Variants in TBL1XR1 observed in about 807,000 individuals in gnomAD.
TBL1XR1 encodes the protein F-box-like/WD repeat-containing protein TBL1XR1.
In TBL1XR1, 5 loss-of-function variants were observed where a neutral mutation model predicts 66.9. The ratio of observed to expected loss-of-function variants is 0.07; its 90% confidence interval spans 0.04 to 0.16. The LOEUF is 0.16. TBL1XR1 is among the 10% of genes least tolerant of loss of function. The pLI is 1.00. For synonymous variants in TBL1XR1, 210 were observed against 206.0 expected, an observed-to-expected ratio of 1.02 and a Z score of -0.17; for missense variants, 238 against 623.2, an observed-to-expected ratio of 0.38 and a Z score of 6.58.
In TBL1XR1 at chr3:177,022,366, T is replaced by G. The variant is rs1712492852; in HGVS notation, c.*3132A>C. ...AGAATTCAATACAATCTAGTATCTA[T>G]TAGGAAATTAAGAGTTATCACTTCT... On this transcript the variant is annotated 3_prime_UTR_variant, in exon 16 of 16. Coordinates refer to ENST00000457928, the MANE Select transcript of TBL1XR1 (RefSeq NM_024665.7). 6.6e-6 allele frequency: 1 copy of G among 152,488 alleles called. No homozygotes were observed. The highest frequency in any genetic ancestry group is 1.5e-5 in the Non-Finnish European group (1 of 67,956). The allele number at this position is 152,488 out of a possible 1,614,324, so 9.4% of individuals were successfully genotyped here.
At chr3:177,055,692 A>G (rs1717718476) in intron 3 of TBL1XR1, among the ~76,000 whole-genome samples, 1 of 152,130 alleles carries the variant, frequency 6.6e-6, no homozygotes, top group East Asian at 1.9e-4. Context: ...GGGGAGAAAC[A>G]ATGAGAGACA....
chr3:177,071,031 G>GTTTTTGTTTTT (rs1719916058), intron 2 of TBL1XR1, among the ~76,000 whole-genome samples: 1 of 104,716 alleles, frequency 9.5e-6, no homozygotes, highest in Non-Finnish European at 1.8e-5. Context: ...CTGAGAATCT[G>GTTTTTGTTTTT]TTTTTTTTTT....
chr3:177,101,499 T>TTAAGATAAAGTCATCAGGGTG (rs1480339409), intron 1 of TBL1XR1, among the ~76,000 whole-genome samples: 4 of 152,200 alleles, frequency 2.6e-5, no homozygotes, highest in Admixed American at 6.5e-5. Flanking sequence ...GGAATTAGTA[T>TTAAGATAAAGTCATCAGGGTG]TAAGATAAAG....
intron 1 of TBL1XR1, among the ~76,000 whole-genome samples, chr3:177,177,142 T>C (rs1474373912): frequency 6.6e-6 from 1 of 152,182 alleles, no homozygotes; most frequent in East Asian, 1.9e-4. Context: ...ATACCCTTTT[T>C]AACTTAAGCC....
chr3:177,121,741 G>A (rs1285602212), intron 1 of TBL1XR1, among the ~76,000 whole-genome samples: 1 of 152,096 alleles, frequency 6.6e-6, no homozygotes, highest in Non-Finnish European at 1.5e-5. Flanking sequence ...ATCCCATCGA[G>A]GCTGTTCCTT....
At chr3:177,150,248 G>A (rs1730727215) in intron 1 of TBL1XR1, among the ~76,000 whole-genome samples, 1 of 152,140 alleles carries the variant, frequency 6.6e-6, no homozygotes, top group East Asian at 1.9e-4. Flanking sequence ...TTAACAAACT[G>A]GCCTTAGAGA....
At chr3:177,033,365 T>G (rs958898721) in intron 13 of TBL1XR1, among the ~76,000 whole-genome samples, 1 of 152,080 alleles carries the variant, frequency 6.6e-6, no homozygotes, top group Non-Finnish European at 1.5e-5. Flanking sequence ...AATTAAAAGC[T>G]AAACAAGCGA....
rs747509427 is a variant in TBL1XR1 at position 177,069,783 on chromosome 3, AAAAGG to A, written c.-45-4766_-45-4762del. Among the ~76,000 whole-genome samples, 137 of 95,440 alleles carry A rather than the reference AAAAGG, an allele frequency of 1.4e-3. 2 individuals carry two copies. Among genetic ancestry groups the A allele is most frequent in the African/African-American group, 3.2e-3 (79 of 24,308 alleles). 62.6% of individuals were successfully genotyped at this position (95,440 alleles called of 152,430 possible). On this transcript the variant is annotated intron_variant, in intron 2 of 15. Coordinates refer to ENST00000457928, the MANE Select transcript of TBL1XR1 (RefSeq NM_024665.7). ...AGGAAAGAAAGGAAGGAAAGGAAGGAAAAGGAAGGAAAGGAAGGAAGGAAGGAAGG... is the reference window on the plus strand; with the variant it reads ...AGGAAAGAAAGGAAGGAAAGGAAGGAAAGGAAAGGAAGGAAGGAAGGAAGG...
At chr3:177,156,260 G>A (rs1221245926) in intron 1 of TBL1XR1, among the ~76,000 whole-genome samples, 2 of 150,948 alleles carry the variant, frequency 1.3e-5, no homozygotes, top group African/African-American at 4.9e-5. Context: ...AAGCACTTTG[G>A]GAGGCCAAGA....
At chr3:177,031,273 C>A (rs1342763705) in intron 14 of TBL1XR1, among the ~76,000 whole-genome samples, 2 of 151,564 alleles carry the variant, frequency 1.3e-5, no homozygotes, top group Admixed American at 6.6e-5. Context: ...ATAAAGACAG[C>A]AAATATGGGA....
intron 1 of TBL1XR1, among the ~76,000 whole-genome samples, chr3:177,192,072 G>C (rs1431609687): frequency 7.4e-6 from 1 of 136,006 alleles, no homozygotes; most frequent in East Asian, 2.4e-4. Flanking sequence ...CAGCATGGGT[G>C]ACAGAGCAAG....
intron 2 of TBL1XR1, among the ~76,000 whole-genome samples, chr3:177,092,644 T>C (rs1317141192): frequency 6.6e-6 from 1 of 152,062 alleles, no homozygotes; most frequent in Non-Finnish European, 1.5e-5. Flanking sequence ...GTCCAGTGTG[T>C]AGAACCCTGT....
intron 9 of TBL1XR1, among the ~76,000 whole-genome samples, chr3:177,046,552 G>A (rs944303940): frequency 3.9e-5 from 6 of 152,150 alleles, no homozygotes; most frequent in African/African-American, 1.4e-4. Context: ...AACGTAATCA[G>A]TTCTCAATAC....
chr3:177,082,752 A>ATATATAT (rs1721583703), intron 2 of TBL1XR1, among the ~76,000 whole-genome samples: 1 of 119,508 alleles, frequency 8.4e-6, no homozygotes, highest in East Asian at 2.4e-4. Context: ...ATATATATAT[A>ATATATAT]TATATATATA....
intron 1 of TBL1XR1, among the ~76,000 whole-genome samples, chr3:177,173,658 G>T (rs1395490144): frequency 1.3e-5 from 2 of 152,080 alleles, no homozygotes; most frequent in African/African-American, 4.8e-5. Context: ...ACCTGGATTG[G>T]CTATTGGAAC....
chr3:177,067,106 C>A (rs891327881), intron 2 of TBL1XR1, among the ~76,000 whole-genome samples: 4 of 152,126 alleles, frequency 2.6e-5, no homozygotes, highest in East Asian at 1.9e-4. Context: ...CAGTAAGGTG[C>A]GGTATTGTGC....
At chr3:177,034,134 CA>C in intron 13 of TBL1XR1, 63 bp downstream of exon 13, 2 of 1,478,816 alleles carry the variant, frequency 1.4e-6, no homozygotes, top group Non-Finnish European at 1.8e-6. Context: ...AAACTTCTGT[CA>C]TATCTATTGG....
intron 1 of TBL1XR1, among the ~76,000 whole-genome samples, chr3:177,190,353 T>C (rs994435245): frequency 6.6e-6 from 1 of 152,126 alleles, no homozygotes; most frequent in African/African-American, 2.4e-5. Context: ...GATGCTCTTG[T>C]TGACCAGGCT....
intron 10 of TBL1XR1, among the ~76,000 whole-genome samples, chr3:177,039,171 T>C (rs868717943): frequency 2.0e-5 from 3 of 152,294 alleles, no homozygotes; most frequent in Middle Eastern, 3.4e-3. Flanking sequence ...CCCCATGATA[T>C]TGCCTTATGT....
Sources: allele counts gnomAD v4.1 joint callset (sites outside exome capture counted in the v4.1 genomes callset), GRCh38; gene constraint gnomAD v4.1.1; transcripts MANE v1.5; gene names NCBI Gene and HGNC (gene_info 2026-07-23, HGNC 2026-07-21).